The following ACP6 variants were observed in gnomAD, a reference collection of about 807,000 sequenced individuals.
ACP6 encodes acid phosphatase 6, lysophosphatidic, also known as lysophosphatidic acid phosphatase type 6.
ACP6 carries 48 observed loss-of-function variants against 48.1 expected under a neutral mutation model. The ratio of observed to expected loss-of-function variants is 1.00; its 90% confidence interval spans 0.79 to 1.27. The LOEUF (loss-of-function observed/expected upper bound fraction) is 1.27. Ranked by LOEUF, ACP6 falls within the 50% of genes most tolerant of loss-of-function variation. ACP6 has a pLI of 0.00. For synonymous variants in ACP6, 172 were observed against 204.2 expected, an observed-to-expected ratio of 0.84 and a Z score of 1.34; for missense variants, 485 against 529.1, an observed-to-expected ratio of 0.92 and a Z score of 0.82.
intron 6 of ACP6, among the ~76,000 whole-genome samples, chr1:147,653,455 A>T (rs1660069999): frequency 6.6e-6 from 1 of 152,056 alleles, no homozygotes; most frequent in Non-Finnish European, 1.5e-5. Flanking sequence ...AAAAAAAAAG[A>T]TGAATAAAAT....
At chr1:147,663,234 A>G (rs1660633641) in intron 1 of ACP6, among the ~76,000 whole-genome samples, 1 of 152,186 alleles carries the variant, frequency 6.6e-6, no homozygotes, top group African/African-American at 2.4e-5. Flanking sequence ...TTGTCTGTGT[A>G]GAATCTAAAG....
intron 5 of ACP6, among the ~76,000 whole-genome samples, chr1:147,633,634 T>C (rs1295997982): frequency 6.6e-6 from 1 of 152,158 alleles, no homozygotes; most frequent in Non-Finnish European, 1.5e-5. Context: ...TTTTATCCTA[T>C]ATTCAGAATT....
intron 7 of ACP6, 41 bp from the exon 8 acceptor site, chr1:147,650,279 C>A: frequency 6.9e-7 from 1 of 1,458,782 alleles, no homozygotes; most frequent in South Asian, 1.2e-5. Context: ...AGAGGGCACT[C>A]AGCATTCAGG....
At chr1:147,652,384 C>T in intron 7 of ACP6, 65 bp downstream of exon 7, 2 of 1,507,988 alleles carry the variant, frequency 1.3e-6, no homozygotes, top group Non-Finnish European at 1.8e-6. Flanking sequence ...TGATGAACTC[C>T]TCTTCCCCAT....
chr1:147,663,911 G>C (rs1660669484), intron 1 of ACP6, among the ~76,000 whole-genome samples: 1 of 4,194 alleles, frequency 2.4e-4, no homozygotes, highest in African/African-American at 1.1e-3. Context: ...CTATAACATT[G>C]ATAACAAAAA....
chr1:147,638,156 T>A (rs1047178056), downstream of ACP6, among the ~76,000 whole-genome samples: 1 of 152,184 alleles, frequency 6.6e-6, no homozygotes, highest in East Asian at 1.9e-4. Flanking sequence ...CCAGACAAGG[T>A]TCCTGCTTTT....
At chr1:147,662,681 T>A (rs2148914688) in intron 1 of ACP6, among the ~76,000 whole-genome samples, 1 of 152,216 alleles carries the variant, frequency 6.6e-6, no homozygotes, top group East Asian at 1.9e-4. Flanking sequence ...CTAGTCCTGG[T>A]GAAGATAGTG....
intron 9 of ACP6, chr1:147,648,010 T>C (rs1659712717): frequency 1.8e-6 from 1 of 549,462 alleles, no homozygotes; most frequent in South Asian, 2.6e-5. Context: ...GGGGACCCTG[T>C]TCCTAGGAGT....
chr1:147,658,512 ACTCGATGGACTTT>A (rs1660367580), intron 4 of ACP6, among the ~76,000 whole-genome samples: 1 of 152,144 alleles, frequency 6.6e-6, no homozygotes, highest in Non-Finnish European at 1.5e-5. Flanking sequence ...CAAAACCCAA[ACTCGATGGACTTT>A]CTCAACTAGG....
rs372546688 is a variant in ACP6, at chr1:147,659,764, G to A, written c.231C>T (p.Asn77=). The A allele has an allele frequency of 2.3e-5, 37 of 1,613,702 alleles. No individual in the cohort carries two copies. The highest frequency in any genetic ancestry group is 2.8e-5 in the Non-Finnish European group (33 of 1,180,014). The stretch of plus-strand genomic sequence containing the variant: ...GGGGTGGGACCTCTAATAGCTGGGG[G>A]TTCCACTCTACCTGTTAGTACAAAA... The part of the protein sequence containing the change: ...PLPLEEQVEW[N]PQLLEVPPQT... Residue 77 remains asparagine, a synonymous_variant, in exon 2 of 10, where the codon AAC becomes AAT. Coordinates refer to ENST00000583509, the MANE Select transcript of ACP6 (RefSeq NM_016361.5).
intron 1 of ACP6, among the ~76,000 whole-genome samples, chr1:147,668,361 C>G (rs1660907165): frequency 6.6e-6 from 1 of 152,100 alleles, no homozygotes; most frequent in African/African-American, 2.4e-5. Context: ...CACACCCACT[C>G]TCCCTTAGGG....
At chr1:147,650,468 G>A (rs1659861720) in intron 7 of ACP6, 1 of 447,296 alleles carries the variant, frequency 2.2e-6, no homozygotes, top group East Asian at 3.9e-5. Flanking sequence ...CAGACCTGTT[G>A]TGAACACAAC....
chr1:147,668,829 G>A lies in ACP6; in HGVS notation c.219+1001C>T, dbSNP rs116128827. The stretch of plus-strand genomic sequence containing the variant: ...GCTTTAGAAGTTTAATTTCATGTGC[G>A]GCCAACCTTGAAAAATGGGTTTCCA... On this transcript the variant is annotated intron_variant, in intron 1 of 9. Transcript: ENST00000583509. Among the ~76,000 whole-genome samples, 1,518 of 152,206 alleles carry A rather than the reference G, an allele frequency of 1.0e-2. 24 individuals carry two copies. The highest frequency in any genetic ancestry group is 0.035 in the African/African-American group (1,446 of 41,514).
chr1:147,652,649 T>G, intron 6 of ACP6, 100 bp from the exon 7 acceptor site: 2 of 1,604,994 alleles, frequency 1.2e-6, no homozygotes, highest in Non-Finnish European at 1.7e-6. Flanking sequence ...CATCTTCTCC[T>G]GGGGAAGAGA....
downstream of ACP6, among the ~76,000 whole-genome samples, chr1:147,641,062 ATGT>A (rs1220307659): frequency 2.6e-5 from 4 of 152,138 alleles, no homozygotes; most frequent in African/African-American, 9.7e-5. Context: ...CCTTCCTGGC[ATGT>A]TGTAGACAGG....
At chr1:147,658,460 G>A (rs945756524) in intron 4 of ACP6, among the ~76,000 whole-genome samples, 8 of 152,176 alleles carry the variant, frequency 5.3e-5, no homozygotes, top group Non-Finnish European at 1.0e-4. Context: ...GGATGAAAAG[G>A]TTGGGAACCA....
At chr1:147,658,920 C>T (rs782488963) in intron 4 of ACP6, 40 bp downstream of exon 4, 5 of 1,540,884 alleles carry the variant, frequency 3.2e-6, no homozygotes, top group Non-Finnish European at 3.5e-6. Flanking sequence ...GAAGCAAGAC[C>T]CCTCAGGGAC....
intron 3 of ACP6, 135 bp from the exon 4 acceptor site, chr1:147,659,174 C>T (rs1002472388): frequency 6.4e-5 from 70 of 1,093,208 alleles, no homozygotes; most frequent in Non-Finnish European, 8.6e-5. Flanking sequence ...GAATGCTTCA[C>T]TTTTCTGTGG....
chr1:147,653,358 T>TG (rs1433664094), intron 6 of ACP6, among the ~76,000 whole-genome samples: 2 of 151,940 alleles, frequency 1.3e-5, no homozygotes, highest in Non-Finnish European at 2.9e-5. Context: ...CTCGAACTCC[T>TG]GACCTTGTGA....
Sources: gnomAD v4.1 joint callset for allele counts (sites outside exome capture counted in the v4.1 genomes callset) on GRCh38, gnomAD v4.1.1 for gene constraint, MANE v1.5 for transcripts, NCBI Gene and HGNC (gene_info 2026-07-23, HGNC 2026-07-21) for gene names.